Variants in CLTCL1 observed in about 807,000 individuals in gnomAD.
The protein encoded by CLTCL1 is clathrin heavy chain 2.
CLTCL1 carries 159 observed loss-of-function variants against 190.0 expected under a neutral mutation model. The ratio of observed to expected loss-of-function variants is 0.84; its 90% CI spans 0.74 to 0.95. The LOEUF is 0.95. CLTCL1 is among the 40% of genes least tolerant of loss of function. The pLI is 0.00. For synonymous variants in CLTCL1, 752 were observed against 769.6 expected, an observed-to-expected ratio of 0.98 and a Z score of 0.38; for missense variants, 1,878 against 2,033.4, an observed-to-expected ratio of 0.92 and a Z score of 1.47.
chr22:19,221,710 C>A, intron 16 of CLTCL1, 99 bp from the exon 17 acceptor site: 1 of 1,151,866 alleles, frequency 8.7e-7, no homozygotes, highest in South Asian at 1.6e-5. Context: ...AACAAAAAAT[C>A]TCAGAGTCCA....
chr22:19,222,615 C>G lies in CLTCL1; in HGVS notation c.2418+69G>C. 7.8e-6 allele frequency: 12 copies of G among 1,538,878 alleles called. No individual in the cohort carries two copies. In the South Asian group the frequency reaches 1.4e-4, roughly 18 times the overall value. Reference sequence around the variant, plus strand: ...AAATGTCAGGTGTTACAGGCAGCCTCTGAGGGGAAGACTGCCACTGACTGG... The same window carrying G: ...AAATGTCAGGTGTTACAGGCAGCCTGTGAGGGGAAGACTGCCACTGACTGG... On this transcript the variant is annotated intron_variant, in intron 15 of 32. Transcript: ENST00000427926.
intron 2 of CLTCL1, among the ~76,000 whole-genome samples, chr22:19,256,483 A>C (rs557423939): frequency 6.7e-6 from 1 of 149,536 alleles, no homozygotes; most frequent in African/African-American, 2.5e-5. Context: ...CAGCCCCCCG[A>C]GTATCAGGGA....
At chr22:19,191,838 T>C (rs994713698) in intron 26 of CLTCL1, among the ~76,000 whole-genome samples, 1 of 152,226 alleles carries the variant, frequency 6.6e-6, no homozygotes, top group African/African-American at 2.4e-5. Context: ...GCCTGAGCCA[T>C]AACCAAGTGG....
intron 26 of CLTCL1, among the ~76,000 whole-genome samples, chr22:19,191,914 G>A (rs2084519786): frequency 6.6e-6 from 1 of 152,200 alleles, no homozygotes; most frequent in Non-Finnish European, 1.5e-5. Context: ...GACCCTGGGT[G>A]AGACCTGAAG....
intron 11 of CLTCL1, 86 bp downstream of exon 11, chr22:19,229,752 G>C: frequency 1.5e-6 from 2 of 1,378,758 alleles, no homozygotes; most frequent in Non-Finnish European, 1.9e-6. Context: ...GCCCAGCCCA[G>C]TCCAAAGCCA....
At chr22:19,267,202 A>G (rs2087148189) in intron 2 of CLTCL1, among the ~76,000 whole-genome samples, 1 of 152,162 alleles carries the variant, frequency 6.6e-6, no homozygotes, top group Non-Finnish European at 1.5e-5. Flanking sequence ...AAATAAAACT[A>G]AGAAAATAAG....
At chr22:19,279,442 G>A (rs1428895738) in intron 1 of CLTCL1, among the ~76,000 whole-genome samples, 1 of 152,154 alleles carries the variant, frequency 6.6e-6, no homozygotes, top group East Asian at 1.9e-4. Context: ...AGAGGACAGT[G>A]GGATTCCAGA....
rs190540358 is a variant in CLTCL1 at position 19,290,104 on chromosome 22, G to T, written c.42+1496C>A. Reference sequence around the variant, plus strand: ...GATAATGGAACATATCAACTCTGATGGACATTACAAATCCTGATGGACATT... The same window carrying T: ...GATAATGGAACATATCAACTCTGATTGACATTACAAATCCTGATGGACATT... On this transcript the variant is annotated intron_variant, in intron 1 of 32. Coordinates refer to ENST00000427926, the MANE Select transcript of CLTCL1 (RefSeq NM_007098.4). Among the ~76,000 whole-genome samples the T allele has an allele frequency of 6.7e-3, 1,027 of 152,302 alleles. 13 individuals are homozygous for T. The highest frequency in any genetic ancestry group is 0.012 in the Non-Finnish European group (784 of 68,038).
chr22:19,252,733 G>C (rs2146066933), intron 3 of CLTCL1, among the ~76,000 whole-genome samples: 1 of 152,302 alleles, frequency 6.6e-6, no homozygotes, highest in African/African-American at 2.4e-5. Flanking sequence ...TGAAAAAAGG[G>C]GACGGGCGCG....
chr22:19,266,765 T>C (rs1436510747), intron 2 of CLTCL1, among the ~76,000 whole-genome samples: 1 of 152,184 alleles, frequency 6.6e-6, no homozygotes, highest in African/African-American at 2.4e-5. Flanking sequence ...AATAATTAAT[T>C]TATGTAATAC....
At position 19,251,199 on chromosome 22, in the gene CLTCL1, T is replaced by C. The variant is rs377160425; in HGVS notation, c.519+2760A>G. Reference sequence around the variant, plus strand: ...TAACTTTTGCACTTTTTAAATTAAATTTACCTCTAAGTATTTTATTCTTTT... The same window carrying C: ...TAACTTTTGCACTTTTTAAATTAAACTTACCTCTAAGTATTTTATTCTTTT... On this transcript the variant is annotated intron_variant, in intron 3 of 32. Transcript: ENST00000427926. Among the ~76,000 whole-genome samples, 4 of 151,498 alleles carry C rather than the reference T, an allele frequency of 2.6e-5. No homozygotes were observed. The South Asian group carries it at 6.2e-4, about 24-fold the overall frequency.
intron 3 of CLTCL1, among the ~76,000 whole-genome samples, chr22:19,243,896 A>C (rs1555966879): frequency 6.6e-6 from 1 of 151,760 alleles, no homozygotes; most frequent in African/African-American, 2.4e-5. Context: ...ACGGGGTTTC[A>C]CCATGTTGGC....
rs372225368 is a variant in CLTCL1, at chr22:19,235,868, A to G, written c.797T>C (p.Ile266Thr). ...AQNDFPVAMQ[I>T]GAKHGVIYLI... Reference sequence around the variant, plus strand: ...GTAAATAACACCATGTTTAGCTCCAATCTATAAGAAGACAGAGAGCAAGAG... The same window carrying G: ...GTAAATAACACCATGTTTAGCTCCAGTCTATAAGAAGACAGAGAGCAAGAG... The change falls in exon 6 of 33, where the codon ATT (isoleucine) becomes ACT (threonine). Residue 266 changes from isoleucine to threonine, a missense_variant and splice_region_variant. Coordinates refer to ENST00000427926, the MANE Select transcript of CLTCL1 (RefSeq NM_007098.4). The G allele has an allele frequency of 5.2e-5, 84 of 1,612,564 alleles. No homozygotes were observed. Among genetic ancestry groups the G allele is most frequent in the Non-Finnish European group, 7.0e-5 (82 of 1,179,294 alleles).
At chr22:19,237,828 T>C (rs879976799) in intron 5 of CLTCL1, among the ~76,000 whole-genome samples, 2 of 152,234 alleles carry the variant, frequency 1.3e-5, no homozygotes, top group Non-Finnish European at 2.9e-5. Context: ...AATGTATGCA[T>C]GTTAAGTTAC....
chr22:19,207,805 T>A, intron 22 of CLTCL1: 1 of 598,876 alleles, frequency 1.7e-6, no homozygotes, highest in Non-Finnish European at 3.0e-6. Flanking sequence ...CTGTGTTGCA[T>A]GCTTCTTATG....
chr22:19,217,061 A>T (rs1482132540), intron 18 of CLTCL1, among the ~76,000 whole-genome samples: 3 of 152,192 alleles, frequency 2.0e-5, no homozygotes, highest in African/African-American at 7.2e-5. Flanking sequence ...GGGGCCTTAA[A>T]GGAACCTAGG....
intron 24 of CLTCL1, among the ~76,000 whole-genome samples, chr22:19,197,961 C>T (rs1397208818): frequency 2.0e-5 from 3 of 152,166 alleles, no homozygotes; most frequent in African/African-American, 7.2e-5. Context: ...ACTGCTCTAG[C>T]TAGGCCCCTC....
intron 2 of CLTCL1, chr22:19,257,869 T>A (rs782124174): frequency 1.4e-6 from 2 of 1,402,668 alleles, no homozygotes; most frequent in East Asian, 7.8e-5. Flanking sequence ...CGGGAGCACC[T>A]GGAGAAGAAG....
Position 19,208,266 on chromosome 22 carries a change from T to C in CLTCL1, c.3488A>G (p.Lys1163Arg), listed in dbSNP as rs782220760. The C allele has an allele frequency of 6.2e-6, 10 of 1,613,552 alleles. No homozygotes were observed. In the South Asian group the frequency reaches 1.1e-4, roughly 18 times the overall value. Residue 1163 changes from lysine to arginine, a missense_variant, in exon 22 of 33, where the codon AAG becomes AGG. Coordinates refer to ENST00000427926, the MANE Select transcript of CLTCL1 (RefSeq NM_007098.4). ...AGTCTCTATATAGGACTCACGGCCC[T>C]TTTTCCTGGCCATCTGCAGAAATTT... Reference protein sequence around the residue: ...LVKFLQMARKKGRESYIETEL... With the variant: ...LVKFLQMARKRGRESYIETEL...
Sources: gnomAD v4.1 joint callset for allele counts (sites outside exome capture counted in the v4.1 genomes callset) on GRCh38, gnomAD v4.1.1 for gene constraint, MANE v1.5 for transcripts, NCBI Gene and HGNC (gene_info 2026-07-23, HGNC 2026-07-21) for gene names.